DDX6: variants seen among roughly 807,000 people sequenced by gnomAD.
DDX6 encodes the protein probable ATP-dependent RNA helicase DDX6.
Under a neutral mutation model 60.6 loss-of-function variants are expected in DDX6, and 7 were observed. The observed-to-expected ratio is 0.12, with a 90% CI of 0.07 to 0.22. The LOEUF is 0.22. DDX6 is among the 10% of genes least tolerant of loss of function. DDX6 has a pLI of 1.00. For synonymous variants in DDX6, 207 were observed against 201.0 expected (o/e 1.03, Z -0.25); for missense variants, 270 against 589.9 (o/e 0.46, Z 5.62).
intron 2 of DDX6, among the ~76,000 whole-genome samples, chr11:118,785,048 G>C (rs374077419): frequency 1.7e-4 from 26 of 152,168 alleles, no homozygotes; most frequent in African/African-American, 4.8e-4. Flanking sequence ...GACTACAGGC[G>C]TGTGCCACTG....
At chr11:118,784,000 A>G (rs1382663197) in intron 2 of DDX6, among the ~76,000 whole-genome samples, 1 of 148,988 alleles carries the variant, frequency 6.7e-6, no homozygotes, top group South Asian at 2.1e-4. Flanking sequence ...AGGCAGGAGG[A>G]TCACTTGAGC....
At chr11:118,784,935 G>GA (rs1862024946) in intron 2 of DDX6, among the ~76,000 whole-genome samples, 1 of 152,030 alleles carries the variant, frequency 6.6e-6, no homozygotes, top group South Asian at 2.1e-4. Context: ...TAGTAGAGAC[G>GA]GGGTTTATTT....
In DDX6 at chr11:118,750,119, G is replaced by GACTT. The variant is rs1314292518; in HGVS notation, c.*1982_*1985dup. ...AGTTAAAACATTAAAGTATATGCGG[G>GACTT]ACTTATTTTGTAATATTTTAGGGTT... On this transcript the variant is annotated 3_prime_UTR_variant, in exon 14 of 14. Transcript: ENST00000534980. 1 of 152,244 alleles carries GACTT rather than the reference G, an allele frequency of 6.6e-6. No individual in the cohort carries two copies. The highest frequency in any genetic ancestry group is 1.9e-4 in the East Asian group (1 of 5,172). The allele number at this position is 152,244 out of a possible 1,614,324, so 9.4% of individuals were successfully genotyped here. A position where few individuals can be genotyped will look rare whatever the true frequency, so the allele number is the denominator to read the frequency against.
chr11:118,775,624 CT>C (rs1861673035), intron 4 of DDX6, among the ~76,000 whole-genome samples: 1 of 152,100 alleles, frequency 6.6e-6, no homozygotes, highest in Non-Finnish European at 1.5e-5. Flanking sequence ...TTTCAAAATA[CT>C]TTGGTTGTAC....
intron 9 of DDX6, 33 bp from the exon 10 acceptor site, chr11:118,757,320 T>C: frequency 8.0e-7 from 1 of 1,244,764 alleles, no homozygotes; most frequent in Non-Finnish European, 1.1e-6. Flanking sequence ...ATGAGAAAAA[T>C]AAAAAAAACC....
intron 6 of DDX6, among the ~76,000 whole-genome samples, chr11:118,764,821 T>TACACACCCACACAC (rs1861296508): frequency 7.2e-6 from 1 of 139,000 alleles, no homozygotes; most frequent in Non-Finnish European, 1.5e-5. Flanking sequence ...AAAAAAAATA[T>TACACACCCACACAC]ACACACACAC....
chr11:118,782,589 A>C (rs1591923323), intron 2 of DDX6, among the ~76,000 whole-genome samples: 1 of 151,530 alleles, frequency 6.6e-6, no homozygotes, highest in East Asian at 1.9e-4. Context: ...CATAATGCAT[A>C]CTCTAACATT....
chr11:118,788,618 G>T (rs1437465601), intron 1 of DDX6: 3 of 152,174 alleles, frequency 2.0e-5, no homozygotes, highest in Non-Finnish European at 4.4e-5. Context: ...GGCTGGTCTT[G>T]AACAACTGAG....
rs148749948 is a variant in DDX6, at chr11:118,755,018, ACTT to A, written c.1277-134_1277-132del. ...AGTGCCATTCTTAGTATGCAAAACA[ACTT>A]CTTAATGGTCTTCAAACACAGGTTT... On this transcript the variant is annotated intron_variant, in intron 12 of 13. Transcript: ENST00000534980. The A allele has an allele frequency of 1.4e-3, 1,175 of 833,092 alleles. 11 individuals carry two copies. In the African/African-American group the frequency reaches 0.019, roughly 13 times the overall value. 51.6% of individuals were successfully genotyped at this position (833,092 alleles called of 1,614,324 possible).
In DDX6 at chr11:118,750,437, G is replaced by A. The variant is rs533406033; in HGVS notation, c.*1668C>T. The A allele has an allele frequency of 6.6e-6, 1 of 152,270 alleles. No individual in the cohort carries two copies. Among genetic ancestry groups the A allele is most frequent in the South Asian group, 2.1e-4 (1 of 4,824 alleles). The allele number at this position is 152,270 out of a possible 1,614,324, so 9.4% of individuals were successfully genotyped here. ...TAACAATTCTTGTCACAATGCAAGA[G>A]AATGGCAAGCAGCTTTCTGTAGCAT... On this transcript the variant is annotated 3_prime_UTR_variant, in exon 14 of 14. Transcript: ENST00000534980.
At chr11:118,757,605 T>TG (rs1476583713) in intron 9 of DDX6, among the ~76,000 whole-genome samples, 1 of 152,132 alleles carries the variant, frequency 6.6e-6, no homozygotes, top group Non-Finnish European at 1.5e-5. Context: ...ATTTTTTTTT[T>TG]GTGAAATGGA....
At position 118,750,682 on chromosome 11, in the gene DDX6, A is replaced by G. The variant is rs1860728160; in HGVS notation, c.*1423T>C. 6.6e-6 allele frequency: 1 copy of G among 152,158 alleles called. No individual in the cohort carries two copies. Among genetic ancestry groups the G allele is most frequent in the Admixed American group, 6.5e-5 (1 of 15,268 alleles). The allele number at this position is 152,158 out of a possible 1,614,324, so 9.4% of individuals were successfully genotyped here. A position where few individuals can be genotyped will look rare whatever the true frequency, so the allele number is the denominator to read the frequency against. On this transcript the variant is annotated 3_prime_UTR_variant, in exon 14 of 14. Coordinates refer to ENST00000534980, the MANE Select transcript of DDX6 (RefSeq NM_004397.6). ...CACTGCCACTCAATAGAATTCCTAC[A>G]CTGCAAGGTAGATTAATCTTTGCCC... is the stretch of plus-strand genomic sequence containing the variant.
In DDX6 at chr11:118,768,220, A is replaced by C; in HGVS notation, c.499+3T>G. On this transcript the variant is annotated splice_donor_region_variant and intron_variant, in intron 5 of 13. Coordinates refer to ENST00000534980, the MANE Select transcript of DDX6 (RefSeq NM_004397.6). Reference sequence around the variant, plus strand: ...TTTAAAAACAAACTTTTATTCAACTAACCTTGTATATTGTCCTTCTTCAGG... The same window carrying C: ...TTTAAAAACAAACTTTTATTCAACTCACCTTGTATATTGTCCTTCTTCAGG... 1 of 1,612,346 alleles carries C rather than the reference A, an allele frequency of 6.2e-7. No individual in the cohort carries two copies. The highest frequency in any genetic ancestry group is 8.5e-7 in the Non-Finnish European group (1 of 1,179,160).
chr11:118,761,674 T>G (rs1325003136), intron 7 of DDX6, among the ~76,000 whole-genome samples: 5 of 152,130 alleles, frequency 3.3e-5, no homozygotes, highest in Non-Finnish European at 5.9e-5. Flanking sequence ...CAGCCACTCC[T>G]CTTCTTAAAA....
intron 13 of DDX6, among the ~76,000 whole-genome samples, chr11:118,752,326 G>A (rs978607749): frequency 2.0e-5 from 3 of 152,092 alleles, no homozygotes; most frequent in East Asian, 1.9e-4. Flanking sequence ...GCCCTCACTC[G>A]TAACAAATCC....
chr11:118,785,355 G>C (rs528757231), intron 2 of DDX6, among the ~76,000 whole-genome samples: 1 of 151,884 alleles, frequency 6.6e-6, no homozygotes, highest in Admixed American at 6.6e-5. Flanking sequence ...ATATGTAAAA[G>C]GAGGAAAAAA....
intron 4 of DDX6, among the ~76,000 whole-genome samples, chr11:118,769,001 A>AAAAAAAAAAAAAAAAAAAAAAC (rs1861446827): frequency 6.7e-6 from 1 of 149,438 alleles, no homozygotes; most frequent in African/African-American, 2.5e-5. Flanking sequence ...AAAAAAAAAA[A>AAAAAAAAAAAAAAAAAAAAAAC]AAAAAAAAGG....
Position 118,764,804 on chromosome 11 carries a change from C to CA in DDX6, c.646+404dup, listed in dbSNP as rs782383956. On this transcript the variant is annotated intron_variant, in intron 6 of 13. Transcript: ENST00000534980. Reference sequence around the variant, plus strand: ...GGGCAACAGAGCAAGACTCCATCTCCAAAAAAAAAAAAAATATACACACAC... The same window carrying CA: ...GGGCAACAGAGCAAGACTCCATCTCCAAAAAAAAAAAAAAATATACACACAC... Among the ~76,000 whole-genome samples, 445 of 91,056 alleles carry CA rather than the reference C, an allele frequency of 4.9e-3. 2 individuals carry two copies. The highest frequency in any genetic ancestry group is 0.011 in the African/African-American group (262 of 22,910). 59.7% of individuals were successfully genotyped at this position (91,056 alleles called of 152,430 possible). A position where few individuals can be genotyped will look rare whatever the true frequency, so the allele number is the denominator to read the frequency against.
intron 12 of DDX6, among the ~76,000 whole-genome samples, chr11:118,755,129 TAA>T (rs1429293703): frequency 3.7e-4 from 57 of 152,228 alleles, no homozygotes; most frequent in African/African-American, 1.4e-3. Context: ...AAAACTGCCA[TAA>T]AATACACATT....
Sources: allele counts gnomAD v4.1 joint callset (sites outside exome capture counted in the v4.1 genomes callset), GRCh38; gene constraint gnomAD v4.1.1; transcripts MANE v1.5; gene names NCBI Gene and HGNC (gene_info 2026-07-23, HGNC 2026-07-21).